Variants in ACER3 observed in about 807,000 individuals in gnomAD.
ACER3 encodes the protein alkCDase 3.
In ACER3, 16 loss-of-function variants were observed where a neutral mutation model predicts 48.9. The observed-to-expected ratio is 0.33, with a 90% confidence interval of 0.22 to 0.50. The LOEUF is 0.50. Among genes scored for constraint, ACER3 ranks in the 20% least tolerant of loss-of-function variants. ACER3 has a pLI of 0.98. For missense variants in ACER3, 227 were observed against 326.0 expected (o/e 0.70, Z 2.34); for synonymous variants, 109 against 107.8 (o/e 1.01, Z -0.07).
intron 7 of ACER3, among the ~76,000 whole-genome samples, chr11:77,005,994 T>TATATATATACATATATATATA (rs1272209642): frequency 6.1e-5 from 5 of 82,090 alleles, no homozygotes; most frequent in African/African-American, 2.0e-4. Context: ...TATATATATT[T>TATATATATACATATATATATA]TTTTTTTTTT....
At chr11:76,864,231 T>C (rs959891628) in intron 1 of ACER3, among the ~76,000 whole-genome samples, 3 of 152,306 alleles carry the variant, frequency 2.0e-5, no homozygotes, top group South Asian at 2.1e-4. Flanking sequence ...AGGTCTCTCA[T>C]TGTGAAATAA....
intron 1 of ACER3, among the ~76,000 whole-genome samples, chr11:76,867,596 T>G (rs531122248): frequency 6.6e-6 from 1 of 151,880 alleles, no homozygotes; most frequent in Non-Finnish European, 1.5e-5. Flanking sequence ...AAAAACATAT[T>G]TGATCATGGA....
intron 7 of ACER3, among the ~76,000 whole-genome samples, chr11:77,001,608 T>C (rs1949033257): frequency 6.6e-6 from 1 of 152,184 alleles, no homozygotes; most frequent in Non-Finnish European, 1.5e-5. Flanking sequence ...TATATCCTCG[T>C]TCCTGATGTG....
chr11:76,930,842 A>C (rs1468484856), intron 2 of ACER3, among the ~76,000 whole-genome samples: 25 of 151,958 alleles, frequency 1.6e-4, no homozygotes, highest in African/African-American at 5.6e-4. Context: ...GTTTGTTATA[A>C]TTTCTGTTCT....
intron 2 of ACER3, among the ~76,000 whole-genome samples, chr11:76,950,271 A>G (rs1243027072): frequency 1.4e-4 from 12 of 87,136 alleles, no homozygotes; most frequent in Non-Finnish European, 3.5e-4. Context: ...GGGCCTTACC[A>G]TAAGCCGGAG....
Position 76,915,036 on chromosome 11 carries a change from G to A in ACER3, c.104-11521G>A, listed in dbSNP as rs571636525. ...CACAGGGTGGGGAACATCACACACCGGGGACTGTTGTGGGGTGGGGAGGGA... is the reference window on the plus strand; with the variant it reads ...CACAGGGTGGGGAACATCACACACCAGGGACTGTTGTGGGGTGGGGAGGGA... On this transcript the variant is annotated intron_variant, in intron 1 of 10. Transcript: ENST00000532485. 4.6e-5 allele frequency among the ~76,000 whole-genome samples: 7 copies of A among 152,110 alleles called. No homozygotes were observed. The East Asian group carries it at 7.8e-4, about 17-fold the overall frequency.
intron 2 of ACER3, among the ~76,000 whole-genome samples, chr11:76,934,045 C>T (rs1257273891): frequency 6.7e-6 from 1 of 149,840 alleles, no homozygotes; most frequent in Non-Finnish European, 1.5e-5. Context: ...ACATCTCAGA[C>T]AATGGGCGGC....
intron 2 of ACER3, among the ~76,000 whole-genome samples, chr11:76,950,994 C>G (rs2134985077): frequency 6.6e-6 from 1 of 152,280 alleles, no homozygotes; most frequent in Non-Finnish European, 1.5e-5. Flanking sequence ...ACTTGCACTT[C>G]TGCCTTTTGA....
At chr11:76,909,696 GT>G (rs2134715215) in intron 1 of ACER3, among the ~76,000 whole-genome samples, 1 of 152,306 alleles carries the variant, frequency 6.6e-6, no homozygotes, top group Admixed American at 6.5e-5. Context: ...TTCAACCATT[GT>G]GGAAGACAGT....
intron 7 of ACER3, among the ~76,000 whole-genome samples, chr11:77,013,583 G>A (rs978389030): frequency 2.0e-5 from 3 of 152,120 alleles, no homozygotes; most frequent in Non-Finnish European, 2.9e-5. Flanking sequence ...CAAACCAAGT[G>A]CTGATGAAGA....
intron 2 of ACER3, among the ~76,000 whole-genome samples, chr11:76,945,664 C>G (rs889866346): frequency 1.3e-5 from 2 of 152,192 alleles, no homozygotes; most frequent in Non-Finnish European, 2.9e-5. Flanking sequence ...TTAGTGGGTA[C>G]TGGAGGGCTG....
At position 76,930,826 on chromosome 11, in the gene ACER3, G is replaced by A. The variant is rs1188239489; in HGVS notation, c.214+4159G>A. On this transcript the variant is annotated intron_variant, in intron 2 of 10. Coordinates refer to ENST00000532485, the MANE Select transcript of ACER3 (RefSeq NM_018367.7). ...CTAGTTTGATTGCACTGTGGTCTGA[G>A]AGACAGTTTGTTATAATTTCTGTTC... Among the ~76,000 whole-genome samples, 6 of 152,086 alleles carry A rather than the reference G, an allele frequency of 3.9e-5. No homozygotes were observed. In the South Asian group the frequency reaches 8.3e-4, roughly 21 times the overall value.
chr11:77,003,343 T>A (rs1555020285), intron 7 of ACER3, among the ~76,000 whole-genome samples: 1 of 152,212 alleles, frequency 6.6e-6, no homozygotes, highest in African/African-American at 2.4e-5. Flanking sequence ...AAAATTTATG[T>A]GTGTAGCATT....
chr11:76,910,404 T>C (rs2134719600), intron 1 of ACER3, among the ~76,000 whole-genome samples: 1 of 152,320 alleles, frequency 6.6e-6, no homozygotes, highest in African/African-American at 2.4e-5. Flanking sequence ...TTATAGACTG[T>C]ATGTTTTTCT....
chr11:76,982,451 G>A (rs1948606656), intron 4 of ACER3, among the ~76,000 whole-genome samples: 1 of 152,036 alleles, frequency 6.6e-6, no homozygotes, highest in African/African-American at 2.4e-5. Flanking sequence ...TCTTGACCTT[G>A]TGATCCGCCT....
chr11:76,975,605 A>G (rs554045186), intron 3 of ACER3, among the ~76,000 whole-genome samples: 1 of 152,122 alleles, frequency 6.6e-6, no homozygotes, highest in African/African-American at 2.4e-5. Context: ...GATAGGACCT[A>G]TGGACCTGTA....
At chr11:76,944,912 T>C (rs933599790) in intron 2 of ACER3, among the ~76,000 whole-genome samples, 4 of 152,192 alleles carry the variant, frequency 2.6e-5, no homozygotes, top group South Asian at 4.1e-4. Flanking sequence ...ATTATTTTTT[T>C]CCCCTATTTT....
intron 6 of ACER3, among the ~76,000 whole-genome samples, chr11:76,996,778 T>G (rs1439448267): frequency 7.0e-6 from 1 of 143,296 alleles, no homozygotes; most frequent in Non-Finnish European, 1.5e-5. Flanking sequence ...CAGGCTAGAG[T>G]GCAGTGGTGC....
intron 1 of ACER3, among the ~76,000 whole-genome samples, chr11:76,913,605 C>T (rs988472324): frequency 2.2e-4 from 33 of 152,194 alleles, no homozygotes; most frequent in African/African-American, 7.7e-4. Flanking sequence ...GAATCAATAT[C>T]GTGAAAATGG....
Sources: gnomAD v4.1 joint callset for allele counts (sites outside exome capture counted in the v4.1 genomes callset) on GRCh38, gnomAD v4.1.1 for gene constraint, MANE v1.5 for transcripts, NCBI Gene and HGNC (gene_info 2026-07-23, HGNC 2026-07-21) for gene names.